The following ADAM28 variants were observed in gnomAD, a reference collection of about 807,000 sequenced individuals.
ADAM28 encodes ADAM metallopeptidase domain 28.
In ADAM28, 105 loss-of-function variants were observed where a neutral mutation model predicts 101.2. The observed-to-expected ratio is 1.04, with a 90% CI of 0.89 to 1.22. The LOEUF is 1.22. Ranked by LOEUF, ADAM28 falls within the 50% of genes most tolerant of loss-of-function variation. The probability of loss-of-function intolerance (pLI) is 0.00; values close to 1 mark genes in which losing one functional copy is unlikely to be tolerated. For synonymous variants in ADAM28, 322 were observed against 310.6 expected (o/e 1.04, Z -0.39); for missense variants, 1,028 against 945.4 (o/e 1.09, Z -1.15).
intron 21 of ADAM28, among the ~76,000 whole-genome samples, chr8:24,352,678 A>C (rs1816304341): frequency 6.6e-6 from 1 of 152,162 alleles, no homozygotes; most frequent in Admixed American, 6.6e-5. Flanking sequence ...ACCTATTGAC[A>C]TTGGACTTAG....
intron 12 of ADAM28, among the ~76,000 whole-genome samples, chr8:24,332,322 G>C (rs1813455976): frequency 1.3e-5 from 2 of 152,142 alleles, no homozygotes; most frequent in Admixed American, 6.5e-5. Context: ...CATAACTGAT[G>C]AGTTGAAGGA....
intron 22 of ADAM28, among the ~76,000 whole-genome samples, chr8:24,354,159 A>G (rs538020196): frequency 6.6e-6 from 1 of 152,198 alleles, no homozygotes; most frequent in Non-Finnish European, 1.5e-5. Context: ...TACCTTCTCC[A>G]TATTATGCTA....
intron 18 of ADAM28, among the ~76,000 whole-genome samples, chr8:24,345,226 G>C (rs1815267650): frequency 1.3e-5 from 2 of 151,940 alleles, no homozygotes; most frequent in African/African-American, 4.8e-5. Flanking sequence ...TCTTTAAACT[G>C]AGGATTTGCT....
chr8:24,347,436 G>T (rs1815536110), intron 18 of ADAM28, among the ~76,000 whole-genome samples: 1 of 151,588 alleles, frequency 6.6e-6, no homozygotes, highest in South Asian at 2.1e-4. Flanking sequence ...TATATTCTCC[G>T]GAAGAATTTG....
At chr8:24,317,347 T>C (rs1811288758) in intron 6 of ADAM28, among the ~76,000 whole-genome samples, 1 of 151,836 alleles carries the variant, frequency 6.6e-6, no homozygotes, top group Non-Finnish European at 1.5e-5. Context: ...CCTAGACCAG[T>C]GGATGAGAAT....
At chr8:24,353,878 C>G in intron 22 of ADAM28, 46 bp downstream of exon 22, 1 of 1,318,798 alleles carries the variant, frequency 7.6e-7, no homozygotes, top group Non-Finnish European at 1.1e-6. Context: ...ATTATAATCT[C>G]CTACTGTCAA....
chr8:24,333,116 A>G (rs903619972), intron 13 of ADAM28, among the ~76,000 whole-genome samples: 9 of 152,186 alleles, frequency 5.9e-5, no homozygotes. Context: ...GAATCCAAAA[A>G]CGTTGAATAC....
chr8:24,356,563 C>CCAAGT lies in ADAM28; in HGVS notation c.*2161_*2165dup, dbSNP rs951740533. ...ATTATTTTATCATAGAACTGCGAAC[C>CCAAGT]CAAGTCCTACAATGTTTCCCTTTCA... On this transcript the variant is annotated 3_prime_UTR_variant, in exon 23 of 23. Transcript: ENST00000265769. 1 of 152,120 alleles carries CCAAGT rather than the reference C, an allele frequency of 6.6e-6. No homozygotes were observed. Among genetic ancestry groups the CCAAGT allele is most frequent in the African/African-American group, 2.4e-5 (1 of 41,436 alleles). The allele number at this position is 152,120 out of a possible 1,614,324, so 9.4% of individuals were successfully genotyped here.
intron 2 of ADAM28, among the ~76,000 whole-genome samples, chr8:24,305,463 T>C (rs1257784958): frequency 3.4e-5 from 5 of 145,504 alleles, no homozygotes; most frequent in African/African-American, 1.3e-4. Context: ...TTTTTTTTTT[T>C]TTTTTTTTTT....
chr8:24,314,822 T>G lies in ADAM28; in HGVS notation c.576+1242T>G, dbSNP rs535062051. Reference sequence around the variant, plus strand: ...AAAGTATAAATTGTCAGGGGGAAGATAAAAGTCTAGAGTTTTTATACATGA... The same window carrying G: ...AAAGTATAAATTGTCAGGGGGAAGAGAAAAGTCTAGAGTTTTTATACATGA... On this transcript the variant is annotated intron_variant, in intron 6 of 22. Coordinates refer to ENST00000265769, the MANE Select transcript of ADAM28 (RefSeq NM_014265.6). Among the ~76,000 whole-genome samples, 8 of 151,180 alleles carry G rather than the reference T, an allele frequency of 5.3e-5. No individual in the cohort carries two copies. The East Asian group carries it at 1.6e-3, about 29-fold the overall frequency.
At position 24,343,152 on chromosome 8, in the gene ADAM28, A is replaced by G. The variant is rs1814989774; in HGVS notation, c.1882A>G (p.Asn628Asp). The G allele has an allele frequency of 6.2e-7, 1 of 1,613,754 alleles. No individual in the cohort carries two copies. The highest frequency in any genetic ancestry group is 1.3e-5 in the African/African-American group (1 of 74,902). Residue 628 changes from asparagine to aspartate, a missense_variant, in exon 17 of 23, where the codon AAT becomes GAT. Asn to Asp is a conservative substitution (Grantham distance 23, BLOSUM62 1). Coordinates refer to ENST00000265769, the MANE Select transcript of ADAM28 (RefSeq NM_014265.6). ...TATTGAGAAAGCCTACAAATCAACCAATTGCTCATCTAAGTGCAAAGGACA... is the reference window on the plus strand; with the variant it reads ...TATTGAGAAAGCCTACAAATCAACCGATTGCTCATCTAAGTGCAAAGGACA... Reference protein sequence around the residue: ...VDIEKAYKSTNCSSKCKGHAV... With the variant: ...VDIEKAYKSTDCSSKCKGHAV...
At chr8:24,300,565 G>A (rs1455176811) in intron 2 of ADAM28, among the ~76,000 whole-genome samples, 2 of 152,004 alleles carry the variant, frequency 1.3e-5, no homozygotes, top group South Asian at 2.1e-4. Context: ...GCAGGCGCCC[G>A]CCACCACGCT....
chr8:24,312,772 T>G (rs1040834065), intron 5 of ADAM28, among the ~76,000 whole-genome samples: 2 of 152,114 alleles, frequency 1.3e-5, no homozygotes, highest in Non-Finnish European at 2.9e-5. Flanking sequence ...CAATGCCTAA[T>G]GAATAATGGG....
intron 10 of ADAM28, among the ~76,000 whole-genome samples, chr8:24,327,733 C>T (rs934914814): frequency 6.6e-6 from 1 of 152,040 alleles, no homozygotes; most frequent in Non-Finnish European, 1.5e-5. Context: ...AATAATACTA[C>T]ACATCTACAA....
intron 6 of ADAM28, among the ~76,000 whole-genome samples, chr8:24,314,924 CAA>C (rs74273500): frequency 0.22 from 22,747 of 105,100 alleles, 1,784 homozygotes; most frequent in East Asian, 0.42. Flanking sequence ...ACGGTAAATA[CAA>C]AAAAAAAAAA....
intron 6 of ADAM28, among the ~76,000 whole-genome samples, chr8:24,315,753 A>T (rs1172133676): frequency 6.6e-6 from 1 of 151,976 alleles, no homozygotes; most frequent in Non-Finnish European, 1.5e-5. Context: ...TGAGGTAAAA[A>T]TTTTCAATAA....
chr8:24,321,481 C>G, intron 8 of ADAM28, 192 bp downstream of exon 8: 1 of 605,126 alleles, frequency 1.7e-6, no homozygotes, highest in Non-Finnish European at 3.0e-6. Context: ...CAAACCAACA[C>G]TTTTCTTATT....
chr8:24,294,629 T>A (rs1807719098), intron 1 of ADAM28, among the ~76,000 whole-genome samples: 1 of 151,966 alleles, frequency 6.6e-6, no homozygotes, highest in Non-Finnish European at 1.5e-5. Context: ...CCAGTTTGGC[T>A]CTTTCTGTTT....
At chr8:24,306,361 T>TATATATATATATATATATATATATTTAA (rs1809638746) in intron 2 of ADAM28, among the ~76,000 whole-genome samples, 1 of 115,388 alleles carries the variant, frequency 8.7e-6, no homozygotes, top group South Asian at 2.7e-4. Flanking sequence ...AATAAATAAA[T>TATATATATATATATATATATATATTTAA]AAATATATAT....
Sources: gnomAD v4.1 joint callset for allele counts (sites outside exome capture counted in the v4.1 genomes callset) on GRCh38, gnomAD v4.1.1 for gene constraint, MANE v1.5 for transcripts, NCBI Gene and HGNC (gene_info 2026-07-23, HGNC 2026-07-21) for gene names.